NID1: variants seen among roughly 807,000 people sequenced by gnomAD.
The protein encoded by NID1 is nidogen-1.
In NID1, 76 loss-of-function variants were observed where a neutral mutation model predicts 130.6. The observed-to-expected ratio is 0.58, with a 90% CI of 0.48 to 0.70. The LOEUF (loss-of-function observed/expected upper bound fraction) is 0.70. NID1 is among the 30% of genes least tolerant of loss of function. NID1 has a pLI of 0.00. For missense variants in NID1, 1,517 were observed against 1,664.8 expected, an observed-to-expected ratio of 0.91 and a Z score of 1.54; for synonymous variants, 665 against 675.1, an observed-to-expected ratio of 0.98 and a Z score of 0.23.
rs16833027 is a variant in NID1 at position 235,979,537 on chromosome 1, C to T, written c.3509+285G>A. Reference sequence around the variant, plus strand: ...GGCCAACTCCTGGGGAAAGAACAGACGTGCTGAGGAAGTCCAGGTTTAAAG... The same window carrying T: ...GGCCAACTCCTGGGGAAAGAACAGATGTGCTGAGGAAGTCCAGGTTTAAAG... On this transcript the variant is annotated intron_variant, in intron 18 of 19. Transcript: ENST00000264187. The surrounding 1 kb of genome is among the most constrained non-coding windows in gnomAD (Gnocchi z 4.6). 3.4e-3 allele frequency among the ~76,000 whole-genome samples: 519 copies of T among 152,336 alleles called. 4 individuals carry two copies. The highest frequency in any genetic ancestry group is 0.012 in the African/African-American group (492 of 41,564).
intron 4 of NID1, among the ~76,000 whole-genome samples, chr1:236,039,742 A>G (rs1284506190): frequency 2.6e-5 from 4 of 152,214 alleles, no homozygotes; most frequent in African/African-American, 9.6e-5. Flanking sequence ...GGTAGACTCT[A>G]TGAGTCCTAC....
chr1:236,034,431 A>AAT (rs1037477104), intron 5 of NID1, among the ~76,000 whole-genome samples: 1 of 151,672 alleles, frequency 6.6e-6, no homozygotes, highest in African/African-American at 2.4e-5. Flanking sequence ...TCAAAAAAAA[A>AAT]AAAAAAAGAA....
chr1:236,046,673 A>G (rs1430663666), intron 2 of NID1, among the ~76,000 whole-genome samples: 1 of 152,194 alleles, frequency 6.6e-6, no homozygotes, highest in Non-Finnish European at 1.5e-5. Flanking sequence ...TGCAAAGGGT[A>G]TGCGGAGGTG....
chr1:236,042,461 G>A (rs186255013), intron 3 of NID1, among the ~76,000 whole-genome samples, 169 bp from the exon 4 acceptor site: 159 of 152,304 alleles, frequency 1.0e-3, no homozygotes, highest in African/African-American at 3.7e-3. Flanking sequence ...TCATGTGGCT[G>A]AGGCAGTCTA....
In NID1 at chr1:236,051,084, G is replaced by A. The variant is rs181947567; in HGVS notation, c.226-2095C>T. On this transcript the variant is annotated intron_variant, in intron 1 of 19. Transcript: ENST00000264187. ...CTAGGCAACAGAGCAAGAGTGTCTC[G>A]AAAAAAAAAGAGAGAAAGAAGAAGA... 6.0e-3 allele frequency among the ~76,000 whole-genome samples: 906 copies of A among 150,228 alleles called. 7 individuals carry two copies. The highest frequency in any genetic ancestry group is 9.4e-3 in the Non-Finnish European group (637 of 67,464).
intron 2 of NID1, among the ~76,000 whole-genome samples, chr1:236,047,701 A>G (rs1659644517): frequency 6.6e-6 from 1 of 151,982 alleles, no homozygotes; most frequent in African/African-American, 2.4e-5. Context: ...ATTTTAACCT[A>G]TCGTTTCATA....
rs1047022804 is a variant in NID1 at position 235,985,558 on chromosome 1, G to C, written c.2929-53C>G. 2.2e-5 allele frequency: 35 copies of C among 1,600,862 alleles called. No individual in the cohort carries two copies. In the African/African-American group the frequency reaches 3.3e-4, roughly 15 times the overall value. Reference sequence around the variant, plus strand: ...GGTCCATCTACAAGCATCTGATAGTGAGAATCTTTTTGCGTGCCTACAGGC... The same window carrying C: ...GGTCCATCTACAAGCATCTGATAGTCAGAATCTTTTTGCGTGCCTACAGGC... On this transcript the variant is annotated intron_variant, in intron 14 of 19. Transcript: ENST00000264187.
chr1:236,012,578 A>AAAAAAAAAAAAAAAAAAAAAG (rs1553343926), intron 11 of NID1, among the ~76,000 whole-genome samples: 1 of 99,548 alleles, frequency 1.0e-5, no homozygotes, highest in African/African-American at 4.4e-5. Context: ...AAAAAAAAAA[A>AAAAAAAAAAAAAAAAAAAAAG]AAAGAAAGAA....
intron 12 of NID1, among the ~76,000 whole-genome samples, chr1:236,009,705 C>T (rs1313247299): frequency 6.6e-6 from 1 of 152,200 alleles, no homozygotes; most frequent in Admixed American, 6.5e-5. Context: ...TTCATTTTAA[C>T]TGTTTTATGT....
Position 236,013,452 on chromosome 1 carries a change from G to A in NID1, c.2363C>T (p.Ser788Phe). Residue 788 changes from serine to phenylalanine, a missense_variant, in exon 11 of 20, where the codon TCC becomes TTC. Around this residue, in one of 3 missense-constraint regions of NID1, gnomAD observed 1,329 missense variants for 1,429.2 expected, o/e 0.93. Coordinates refer to ENST00000264187, the MANE Select transcript of NID1 (RefSeq NM_002508.3). ...IYTGGSSYTCSCLPGFSGDGQ... is the reference protein window; with the variant it reads ...IYTGGSSYTCFCLPGFSGDGQ... Reference sequence around the variant, plus strand: ...ATCCCCAGAAAAGCCTGGCAAGCAGGAACAGGTGTAGGAGGAGCCTCCTGT... The same window carrying A: ...ATCCCCAGAAAAGCCTGGCAAGCAGAAACAGGTGTAGGAGGAGCCTCCTGT... The A allele has an allele frequency of 6.2e-7, 1 of 1,614,108 alleles. No individual in the cohort carries two copies. Among genetic ancestry groups the A allele is most frequent in the Non-Finnish European group, 8.5e-7 (1 of 1,180,024 alleles).
chr1:236,052,414 G>A (rs960329749), intron 1 of NID1, among the ~76,000 whole-genome samples: 11 of 152,248 alleles, frequency 7.2e-5, no homozygotes, highest in South Asian at 4.1e-4. Flanking sequence ...GGGAGTCCTC[G>A]GGCCCATGTG....
chr1:236,045,604 T>G lies in NID1; in HGVS notation c.605A>C (p.Gln202Pro), dbSNP rs1659579458. The change falls in exon 3 of 20, where the codon CAG (glutamine) becomes CCG (proline). Residue 202 changes from glutamine (Q) to proline (P), a missense_variant. By Grantham distance (76) the Gln-to-Pro change is moderately conservative (BLOSUM62 -1). Coordinates refer to ENST00000264187, the MANE Select transcript of NID1 (RefSeq NM_002508.3). ...AIFLYPEDGL[Q>P]FHTTFSKKEN... Reference sequence around the variant, plus strand: ...CTTCTTTGAGAATGTCGTATGGAACTGCAGACCATCCTCAGGATAAAGGAA... The same window carrying G: ...CTTCTTTGAGAATGTCGTATGGAACGGCAGACCATCCTCAGGATAAAGGAA... 2 of 1,614,068 alleles carry G rather than the reference T, an allele frequency of 1.2e-6. No individual in the cohort carries two copies. The highest frequency in any genetic ancestry group is 1.7e-6 in the Non-Finnish European group (2 of 1,180,044).
Position 236,032,665 on chromosome 1 carries a change from A to G in NID1, c.1286-13T>C, listed in dbSNP as rs756692929. 12 of 1,613,474 alleles carry G rather than the reference A, an allele frequency of 7.4e-6. No individual in the cohort carries two copies. The African/African-American group carries it at 1.6e-4, about 22-fold the overall frequency. ...CGCTGGGGGGAACCTGAGCAAGAAA[A>G]CAAAGAAAGAATATAGAGATCACTT... On this transcript the variant is annotated splice_polypyrimidine_tract_variant and intron_variant, in intron 5 of 19. Transcript: ENST00000264187.
intron 1 of NID1, among the ~76,000 whole-genome samples, chr1:236,056,291 G>A (rs1659896833): frequency 6.6e-6 from 1 of 152,100 alleles, no homozygotes; most frequent in Non-Finnish European, 1.5e-5. Flanking sequence ...ATTAAGAAGA[G>A]GGACTCCTTC....
Position 236,024,065 on chromosome 1 carries a change from T to C in NID1, c.2128+5A>G, listed in dbSNP as rs3738533. Reference sequence around the variant, plus strand: ...GCCCCAACAAGTCAGAATCAAAGGCTGTACCATAGCAGGTTCGCCCGTCTC... The same window carrying C: ...GCCCCAACAAGTCAGAATCAAAGGCCGTACCATAGCAGGTTCGCCCGTCTC... On this transcript the variant is annotated splice_donor_5th_base_variant and intron_variant, in intron 9 of 19. Coordinates refer to ENST00000264187, the MANE Select transcript of NID1 (RefSeq NM_002508.3). 235,543 of 1,613,534 alleles carry C rather than the reference T, an allele frequency of 0.15. 20,620 individuals are homozygous for C. Among genetic ancestry groups the C allele is most frequent in the Admixed American group, 0.32 (19,322 of 59,998 alleles).
chr1:236,046,848 C>T (rs983334468), intron 2 of NID1, among the ~76,000 whole-genome samples: 9 of 152,224 alleles, frequency 5.9e-5, no homozygotes, highest in African/African-American at 2.2e-4. Flanking sequence ...ATGCAGGCCC[C>T]TAACAGACTT....
chr1:236,017,768 T>C (rs1385122478), intron 9 of NID1, among the ~76,000 whole-genome samples: 3 of 152,174 alleles, frequency 2.0e-5, no homozygotes, highest in African/African-American at 7.2e-5. Flanking sequence ...CCCATGCCTT[T>C]CTCCTAAGGA....
chr1:235,984,745 T>C (rs1219690788), intron 15 of NID1, among the ~76,000 whole-genome samples: 1 of 152,174 alleles, frequency 6.6e-6, no homozygotes, highest in Non-Finnish European at 1.5e-5. Context: ...TTTGTTGTAA[T>C]GGTCTTTCAA....
chr1:236,030,180 TG>T (rs1280776967), intron 6 of NID1, among the ~76,000 whole-genome samples: 5 of 152,220 alleles, frequency 3.3e-5, no homozygotes, highest in African/African-American at 1.2e-4. Context: ...TGATGAATAT[TG>T]AAATAGCTAC....
Sources: allele counts gnomAD v4.1 joint callset (sites outside exome capture counted in the v4.1 genomes callset), GRCh38; gene constraint gnomAD v4.1.1; regional missense constraint gnomAD v4.1.1; non-coding constraint Gnocchi (gnomAD v3.1); transcripts MANE v1.5; gene names NCBI Gene and HGNC (gene_info 2026-07-23, HGNC 2026-07-21).